The following BACE2 variants were observed in gnomAD, a reference collection of about 807,000 sequenced individuals.
BACE2 encodes the protein beta-secretase 2, also known as 56 kDa aspartic-like protease.
A neutral mutation model predicts 46.2 loss-of-function variants in BACE2; 17 were observed. That is an observed-to-expected ratio of 0.37 (90% CI 0.25 to 0.55). BACE2 has a LOEUF of 0.55. Ranked by LOEUF, BACE2 falls within the 20% of genes least tolerant of loss-of-function variation. The pLI is 0.82. For synonymous variants in BACE2, 277 were observed against 295.9 expected, an observed-to-expected ratio of 0.94 and a Z score of 0.66; for missense variants, 595 against 698.1, an observed-to-expected ratio of 0.85 and a Z score of 1.66.
At chr21:41,223,445 G>A (rs1292200099) in intron 1 of BACE2, among the ~76,000 whole-genome samples, 1 of 152,064 alleles carries the variant, frequency 6.6e-6, no homozygotes, top group African/African-American at 2.4e-5. Context: ...TGCATCCTCT[G>A]AGACTCCAGG....
At chr21:41,212,629 C>T (rs575429497) in intron 1 of BACE2, among the ~76,000 whole-genome samples, 33 of 152,296 alleles carry the variant, frequency 2.2e-4, no homozygotes, top group African/African-American at 7.7e-4. Context: ...AGAGACCACT[C>T]CAAACTGTTT....
chr21:41,256,983 C>T (rs890562304), intron 7 of BACE2, among the ~76,000 whole-genome samples, 175 bp from the exon 8 acceptor site: 4 of 152,152 alleles, frequency 2.6e-5, no homozygotes, highest in African/African-American at 7.2e-5. Context: ...ATATTGATCA[C>T]CATGCTTTTG....
intron 8 of BACE2, among the ~76,000 whole-genome samples, chr21:41,258,682 A>G (rs1987852788): frequency 6.6e-6 from 1 of 152,192 alleles, no homozygotes; most frequent in African/African-American, 2.4e-5. Context: ...ATTGCAGTGG[A>G]CTATTAGGCC....
intron 7 of BACE2, chr21:41,252,535 T>C (rs1320583135): frequency 6.6e-6 from 1 of 152,272 alleles, no homozygotes; most frequent in Non-Finnish European, 1.5e-5. Flanking sequence ...GTACGTTTTA[T>C]GCTGTTGCCT....
At chr21:41,188,988 C>T (rs749249405) in intron 1 of BACE2, among the ~76,000 whole-genome samples, 1 of 152,192 alleles carries the variant, frequency 6.6e-6, no homozygotes, top group African/African-American at 2.4e-5. Context: ...CAGTCTCGCT[C>T]CTGTGGCCAG....
chr21:41,170,848 A>G (rs1984582555), intron 1 of BACE2, among the ~76,000 whole-genome samples: 1 of 152,230 alleles, frequency 6.6e-6, no homozygotes, highest in Admixed American at 6.5e-5. Context: ...TCAGTACGTG[A>G]CAAGCACTGC....
chr21:41,194,946 C>A (rs568476020), intron 1 of BACE2, among the ~76,000 whole-genome samples: 53 of 152,304 alleles, frequency 3.5e-4, no homozygotes, highest in African/African-American at 1.2e-3. Context: ...TTATTTCCAG[C>A]AGGGAAGAAG....
chr21:41,265,381 A>G (rs961204799), intron 8 of BACE2, among the ~76,000 whole-genome samples: 3 of 152,218 alleles, frequency 2.0e-5, no homozygotes, highest in Non-Finnish European at 2.9e-5. Flanking sequence ...AAAGGTATAC[A>G]TATTTGTAAT....
chr21:41,258,145 GA>G (rs549365128), intron 8 of BACE2, among the ~76,000 whole-genome samples: 2 of 150,346 alleles, frequency 1.3e-5, no homozygotes, highest in African/African-American at 4.9e-5. Context: ...TCAAGAGACT[GA>G]AAAAAAAATG....
At chr21:41,242,673 G>A (rs1987337599) in intron 4 of BACE2, among the ~76,000 whole-genome samples, 1 of 152,176 alleles carries the variant, frequency 6.6e-6, no homozygotes, top group Admixed American at 6.5e-5. Flanking sequence ...GATCAGGGAA[G>A]TGCTTGATCT....
chr21:41,248,748 G>A (rs771747602), intron 6 of BACE2, among the ~76,000 whole-genome samples: 10 of 152,226 alleles, frequency 6.6e-5, no homozygotes, highest in East Asian at 3.8e-4. Context: ...TCTGCAGTGC[G>A]CGTGGTTACG....
chr21:41,246,950 G>C (rs1407210463), intron 6 of BACE2, among the ~76,000 whole-genome samples: 1 of 152,164 alleles, frequency 6.6e-6, no homozygotes, highest in Non-Finnish European at 1.5e-5. Context: ...CAACCACGGC[G>C]TTGCTGCTAT....
At chr21:41,250,671 G>C in intron 6 of BACE2, 81 bp from the exon 7 acceptor site, 1 of 1,346,220 alleles carries the variant, frequency 7.4e-7, no homozygotes, top group South Asian at 1.2e-5. Context: ...CATCTGGCGA[G>C]GTGGCTAGGA....
intron 1 of BACE2, among the ~76,000 whole-genome samples, chr21:41,219,834 T>C (rs552925109): frequency 1.3e-5 from 2 of 152,334 alleles, no homozygotes; most frequent in East Asian, 1.9e-4. Flanking sequence ...CGGGACCAAA[T>C]GTGCGGGGAT....
intron 8 of BACE2, among the ~76,000 whole-genome samples, chr21:41,257,663 C>T (rs1277551565): frequency 7.2e-5 from 11 of 152,136 alleles, no homozygotes; most frequent in Admixed American, 7.2e-4. Context: ...AGAAATTTCA[C>T]ACATAAGCCG....
At chr21:41,244,458 G>C (rs1482947785) in intron 5 of BACE2, among the ~76,000 whole-genome samples, 1 of 148,172 alleles carries the variant, frequency 6.7e-6, no homozygotes, top group Non-Finnish European at 1.5e-5. Flanking sequence ...GGCTGGCCAG[G>C]GTGGGGGTCA....
chr21:41,241,343 C>T (rs1034346504), intron 3 of BACE2, among the ~76,000 whole-genome samples: 4 of 152,140 alleles, frequency 2.6e-5, no homozygotes, highest in Non-Finnish European at 5.9e-5. Flanking sequence ...CTCTGGGGTC[C>T]GGGGGATACT....
intron 8 of BACE2, 148 bp from the exon 9 acceptor site, chr21:41,275,223 C>T (rs2088472650): frequency 1.9e-6 from 2 of 1,077,840 alleles, no homozygotes; most frequent in East Asian, 4.8e-5. Flanking sequence ...GCCGTGACCC[C>T]ACTCAGTGCT....
chr21:41,246,150 T>A, intron 6 of BACE2, 87 bp downstream of exon 6: 4 of 959,728 alleles, frequency 4.2e-6, no homozygotes, highest in South Asian at 1.7e-5. Flanking sequence ...TGAGCATCTC[T>A]GAACTATTGC....
Sources: gnomAD v4.1 joint callset for allele counts (sites outside exome capture counted in the v4.1 genomes callset) on GRCh38, gnomAD v4.1.1 for gene constraint, MANE v1.5 for transcripts, NCBI Gene and HGNC (gene_info 2026-07-23, HGNC 2026-07-21) for gene names.